PHLPP1: variants seen among roughly 807,000 people sequenced by gnomAD.
PHLPP1 encodes the protein PH domain and leucine rich repeat protein phosphatase 1, also known as PH domain leucine-rich repeat-containing protein phosphatase 1.
PHLPP1 carries 42 observed loss-of-function variants against 117.2 expected under a neutral mutation model. That is an observed-to-expected ratio of 0.36 (90% CI 0.28 to 0.46). The LOEUF (loss-of-function observed/expected upper bound fraction) is 0.46. Ranked by LOEUF, PHLPP1 falls within the 20% of genes least tolerant of loss-of-function variation. The pLI is 1.00. For missense variants in PHLPP1, 2,084 were observed against 2,241.9 expected (o/e 0.93, Z 1.42); for synonymous variants, 1,042 against 970.7 (o/e 1.07, Z -1.37).
At position 62,731,668 on chromosome 18, in the gene PHLPP1, C is replaced by CTTG. The variant is rs1911229844; in HGVS notation, c.1576+14410_1576+14411insTGT. ...TTTGTAAAGGAAGGCATGTTGAAAT[C>CTTG]TGACAAAGGCCAAAAGCTAGTTCTC... On this transcript the variant is annotated intron_variant, in intron 1 of 16. Transcript: ENST00000262719. 2.0e-5 allele frequency among the ~76,000 whole-genome samples: 3 copies of CTTG among 152,210 alleles called. No homozygotes were observed. In the South Asian group the frequency reaches 6.2e-4, roughly 32 times the overall value.
At chr18:62,798,173 G>A (rs1161639712) in intron 1 of PHLPP1, among the ~76,000 whole-genome samples, 2 of 152,170 alleles carry the variant, frequency 1.3e-5, no homozygotes, top group Non-Finnish European at 2.9e-5. Flanking sequence ...ATAGTTCGGA[G>A]TAAGGCCCAC....
intron 1 of PHLPP1, among the ~76,000 whole-genome samples, chr18:62,779,982 G>C (rs1353896104): frequency 6.6e-6 from 1 of 152,144 alleles, no homozygotes; most frequent in African/African-American, 2.4e-5. Context: ...TTGGCCCTCA[G>C]TTCCCTAATT....
chr18:62,879,352 A>C (rs1322266755), intron 4 of PHLPP1, among the ~76,000 whole-genome samples: 1 of 152,114 alleles, frequency 6.6e-6, no homozygotes, highest in Non-Finnish European at 1.5e-5. Flanking sequence ...CAACCTTCAG[A>C]ACTGTGAGAA....
At chr18:62,854,269 C>T (rs1321605607) in intron 3 of PHLPP1, among the ~76,000 whole-genome samples, 1 of 152,192 alleles carries the variant, frequency 6.6e-6, no homozygotes, top group Non-Finnish European at 1.5e-5. Context: ...CTATATATGC[C>T]TGTTTCACTT....
intron 6 of PHLPP1, among the ~76,000 whole-genome samples, chr18:62,899,528 T>C (rs544600620): frequency 6.6e-6 from 1 of 152,342 alleles, no homozygotes; most frequent in South Asian, 2.1e-4. Flanking sequence ...AAAAAACCAT[T>C]CTCTACATTT....
chr18:62,941,357 C>T (rs1448434547), intron 10 of PHLPP1, among the ~76,000 whole-genome samples: 1 of 152,184 alleles, frequency 6.6e-6, no homozygotes, highest in Admixed American at 6.5e-5. Context: ...TTAGCAAAAA[C>T]TTTTGATTAC....
Position 62,903,187 on chromosome 18 carries a change from C to T in PHLPP1, c.2647+21C>T, listed in dbSNP as rs146761591. 7,548 of 1,521,792 alleles carry T rather than the reference C, an allele frequency of 5.0e-3. 32 individuals carry two copies. Among genetic ancestry groups the T allele is most frequent in the Middle Eastern group, 0.011 (64 of 5,848 alleles). 94.3% of individuals were successfully genotyped at this position (1,521,792 alleles called of 1,614,324 possible). A position where few individuals can be genotyped will look rare whatever the true frequency, so the allele number is the denominator to read the frequency against. On this transcript the variant is annotated intron_variant, in intron 7 of 16. Coordinates refer to ENST00000262719, the MANE Select transcript of PHLPP1 (RefSeq NM_194449.4). Reference sequence around the variant, plus strand: ...TAATGGTATGTATCATAGGCTACATCAAAGTTGCTCTTTTGGTTCCAGGAA... The same window carrying T: ...TAATGGTATGTATCATAGGCTACATTAAAGTTGCTCTTTTGGTTCCAGGAA...
chr18:62,979,206 A>C lies in PHLPP1; in HGVS notation c.4929A>C (p.Ala1643=). The change falls in exon 17 of 17, where the codon GCA becomes GCC. Residue 1643 remains alanine, a synonymous_variant. Coordinates refer to ENST00000262719, the MANE Select transcript of PHLPP1 (RefSeq NM_194449.4). ...ATGTGATAGAGGTGGCTACAGACGC[A>C]CCTCTTCGAAAGCCTGGAGGCTATT... is the stretch of plus-strand genomic sequence containing the variant. The part of the protein sequence containing the change: ...SHNVIEVATD[A]PLRKPGGYFA... The C allele has an allele frequency of 6.2e-7, 1 of 1,611,630 alleles. No homozygotes were observed. Among genetic ancestry groups the C allele is most frequent in the Non-Finnish European group, 8.5e-7 (1 of 1,178,972 alleles).
chr18:62,807,836 A>G (rs1300617413), intron 1 of PHLPP1, among the ~76,000 whole-genome samples: 1 of 152,200 alleles, frequency 6.6e-6, no homozygotes, highest in Non-Finnish European at 1.5e-5. Flanking sequence ...TGGAGTTTGC[A>G]GGCCGGGAAT....
In PHLPP1 at chr18:62,945,117, C is replaced by A; in HGVS notation, c.3170C>A (p.Ala1057Glu). The part of the protein sequence containing the change: ...RLQSFPASKM[A>E]KLEELEEIDL... ...ATTTTCTCTTTTTTTAGTAAAATGG[C>A]GAAACTGGAGGAACTTGAAGAAATT... Residue 1057 changes from alanine (A) to glutamate (E), a missense_variant, in exon 12 of 17, where the codon GCG becomes GAG. Physicochemically the swap from Ala to Glu is moderately radical, Grantham distance 107. Transcript: ENST00000262719. 6.3e-7 allele frequency: 1 copy of A among 1,576,628 alleles called. No homozygotes were observed. The highest frequency in any genetic ancestry group is 2.3e-5 in the East Asian group (1 of 43,670).
chr18:62,971,663 C>T (rs1911051346), intron 14 of PHLPP1, among the ~76,000 whole-genome samples: 1 of 135,330 alleles, frequency 7.4e-6, no homozygotes, highest in African/African-American at 2.5e-5. Flanking sequence ...GGGCGGGAAG[C>T]AGGCTCTCTC....
intron 10 of PHLPP1, among the ~76,000 whole-genome samples, chr18:62,938,935 T>C: frequency 6.6e-6 from 1 of 152,058 alleles, no homozygotes; most frequent in East Asian, 1.9e-4. Context: ...TTTGTGTGTG[T>C]ATAACTACAT....
intron 4 of PHLPP1, among the ~76,000 whole-genome samples, chr18:62,860,841 T>C (rs1915614205): frequency 6.6e-6 from 1 of 152,212 alleles, no homozygotes; most frequent in Non-Finnish European, 1.5e-5. Context: ...GATAGAGTTG[T>C]GTAAGAACAA....
chr18:62,761,242 G>A (rs1383557121), intron 1 of PHLPP1, among the ~76,000 whole-genome samples: 2 of 152,150 alleles, frequency 1.3e-5, no homozygotes, highest in Non-Finnish European at 2.9e-5. Flanking sequence ...AAACTTAAAA[G>A]CATTGCAGCA....
intron 4 of PHLPP1, among the ~76,000 whole-genome samples, chr18:62,889,898 A>G (rs187726123): frequency 1.3e-5 from 2 of 152,202 alleles, no homozygotes; most frequent in African/African-American, 2.4e-5. Flanking sequence ...AGTCTTTGAA[A>G]TCTACTCTAT....
At chr18:62,726,864 G>A (rs575719136) in intron 1 of PHLPP1, among the ~76,000 whole-genome samples, 5 of 151,750 alleles carry the variant, frequency 3.3e-5, no homozygotes, top group East Asian at 2.0e-4. Context: ...GATTACAGGC[G>A]TGACCCACCA....
intron 4 of PHLPP1, among the ~76,000 whole-genome samples, chr18:62,886,902 A>G (rs558974084): frequency 6.6e-6 from 1 of 152,350 alleles, no homozygotes; most frequent in South Asian, 2.1e-4. Flanking sequence ...ACAAATGAAC[A>G]TGAGTTATAT....
At chr18:62,922,888 C>T (rs1677168926) in intron 10 of PHLPP1, among the ~76,000 whole-genome samples, 1 of 152,158 alleles carries the variant, frequency 6.6e-6, no homozygotes, top group African/African-American at 2.4e-5. Flanking sequence ...TGGTGACTCC[C>T]AGGATTGAGA....
At chr18:62,945,750 C>T (rs946266106) in intron 12 of PHLPP1, among the ~76,000 whole-genome samples, 3 of 152,216 alleles carry the variant, frequency 2.0e-5, no homozygotes, top group Middle Eastern at 3.2e-3. Flanking sequence ...AGCATCATTG[C>T]TGTCACCAAA....
Sources: allele counts gnomAD v4.1 joint callset (sites outside exome capture counted in the v4.1 genomes callset), GRCh38; gene constraint gnomAD v4.1.1; transcripts MANE v1.5; gene names NCBI Gene and HGNC (gene_info 2026-07-23, HGNC 2026-07-21).